TNK2: variants seen among roughly 807,000 people sequenced by gnomAD.
The protein encoded by TNK2 is tyrosine kinase non receptor 2, also known as activated CDC42 kinase 1.
TNK2 carries 83 observed loss-of-function variants against 101.8 expected under a neutral mutation model. The ratio of observed to expected loss-of-function variants is 0.82; its 90% confidence interval spans 0.68 to 0.98. The LOEUF (loss-of-function observed/expected upper bound fraction) is 0.98, where lower values mean the gene tolerates loss of function less well. Ranked by LOEUF, TNK2 falls within the 50% of genes least tolerant of loss-of-function variation. The pLI, the probability that TNK2 is intolerant of heterozygous loss-of-function variation, is 0.00. For missense variants in TNK2, 1,665 were observed against 1,483.2 expected (o/e 1.12, Z -2.01); for synonymous variants, 804 against 633.0 (o/e 1.27, Z -4.06).
intron 15 of TNK2, among the ~76,000 whole-genome samples, chr3:195,866,140 T>G (rs1268166174): frequency 2.0e-5 from 3 of 152,226 alleles, no homozygotes; most frequent in Non-Finnish European, 4.4e-5. Context: ...TTTAAATGTC[T>G]ATATATTTTG....
chr3:195,888,644 G>A lies in TNK2; in HGVS notation c.-18-38C>T, dbSNP rs1757140936. ...GAGTGGCTCAGGGACAAGGGTTGTGGGGGGACAACAGGGGCCTGCCCGAGT... is the reference window on the plus strand; with the variant it reads ...GAGTGGCTCAGGGACAAGGGTTGTGAGGGGACAACAGGGGCCTGCCCGAGT... On this transcript the variant is annotated intron_variant, in intron 1 of 15. Coordinates refer to ENST00000672887, the MANE Select transcript of TNK2 (RefSeq NM_001382273.1). This position sits in a 1 kb window ranked among gnomAD's most constrained non-coding sequence, Gnocchi z 5.3. 1 of 1,572,676 alleles carries A rather than the reference G, an allele frequency of 6.4e-7. No homozygotes were observed. The highest frequency in any genetic ancestry group is 1.3e-5 in the African/African-American group (1 of 74,098).
intron 10 of TNK2, 177 bp from the exon 11 acceptor site, chr3:195,870,382 G>A: frequency 6.8e-7 from 1 of 1,468,570 alleles, no homozygotes; most frequent in Non-Finnish European, 9.1e-7. Flanking sequence ...GGGTGTCCTG[G>A]AGAGAAGGCA....
intron 6 of TNK2, among the ~76,000 whole-genome samples, chr3:195,881,643 C>A (rs200795236): frequency 1.8e-4 from 19 of 108,470 alleles, no homozygotes; most frequent in Admixed American, 4.6e-4. Flanking sequence ...ACACCCCCCC[C>A]CCAGCAACGC....
At chr3:195,872,120 C>T (rs534525458) in intron 10 of TNK2, among the ~76,000 whole-genome samples, 156 bp downstream of exon 10, 51 of 152,208 alleles carry the variant, frequency 3.4e-4, no homozygotes, top group Non-Finnish European at 6.8e-4. Context: ...CACAGCTTCC[C>T]GAGAGTAAGG....
chr3:195,883,474 G>T, intron 4 of TNK2, 165 bp from the exon 5 acceptor site: 1 of 780,222 alleles, frequency 1.3e-6, no homozygotes, highest in Non-Finnish European at 2.0e-6. Context: ...TCTGCGTGAG[G>T]CCTGGCTGGA....
intron 1 of TNK2, among the ~76,000 whole-genome samples, chr3:195,897,810 A>T (rs1043619584): frequency 5.7e-4 from 15 of 26,176 alleles, no homozygotes; most frequent in Middle Eastern, 0.025. Context: ...CCACCCCCTC[A>T]CCCCCCCACC....
rs551370941 is a variant in TNK2 at position 195,885,787 on chromosome 3, C to A, written c.235-754G>T. 1.1e-5 allele frequency: 4 copies of A among 354,176 alleles called. No individual in the cohort carries two copies. The Admixed American group carries it at 1.5e-4, about 14-fold the overall frequency. The allele number at this position is 354,176 out of a possible 1,614,324, so 21.9% of individuals were successfully genotyped here. A position where few individuals can be genotyped will look rare whatever the true frequency, so the allele number is the denominator to read the frequency against. On this transcript the variant is annotated intron_variant, in intron 3 of 15. Transcript: ENST00000672887. The surrounding 1 kb of genome is among the most constrained non-coding windows in gnomAD (Gnocchi z 4.7). ...CCATGAGGGTCAAAGCTGGCCACGTCGGTCTGACTCGGCCTCCACTGAGGC... is the reference window on the plus strand; with the variant it reads ...CCATGAGGGTCAAAGCTGGCCACGTAGGTCTGACTCGGCCTCCACTGAGGC...
In TNK2 at chr3:195,883,426, G is replaced by A. The variant is rs1004658200; in HGVS notation, c.457-117C>T. 21 of 1,282,558 alleles carry A rather than the reference G, an allele frequency of 1.6e-5. No homozygotes were observed. The Admixed American group carries it at 2.2e-4, about 14-fold the overall frequency. 79.4% of individuals were successfully genotyped at this position (1,282,558 alleles called of 1,614,324 possible). A position where few individuals can be genotyped will look rare whatever the true frequency, so the allele number is the denominator to read the frequency against. On this transcript the variant is annotated intron_variant, in intron 4 of 15. Transcript: ENST00000672887. Reference sequence around the variant, plus strand: ...TCCCTGCCTGTGAGCTCCTCATCTGGGTGGGTAAGCATGTCACCAGTGCCT... The same window carrying A: ...TCCCTGCCTGTGAGCTCCTCATCTGAGTGGGTAAGCATGTCACCAGTGCCT...
intron 4 of TNK2, 137 bp from the exon 5 acceptor site, chr3:195,883,446 G>A (rs960094566): frequency 1.5e-5 from 16 of 1,039,850 alleles, no homozygotes; most frequent in African/African-American, 4.7e-5. Context: ...CATGTCACCA[G>A]TGCCTGGGCT....
At chr3:195,895,296 C>T in intron 1 of TNK2, 5 of 1,573,888 alleles carry the variant, frequency 3.2e-6, no homozygotes, top group Non-Finnish European at 4.3e-6. Context: ...GATCTCTCCC[C>T]CATGGAGCCC....
chr3:195,865,826 G>A (rs1194734863), intron 15 of TNK2, among the ~76,000 whole-genome samples: 1 of 152,172 alleles, frequency 6.6e-6, no homozygotes, highest in Admixed American at 6.5e-5. Flanking sequence ...GGCGCCAGGC[G>A]TGCTGGGCGC....
chr3:195,874,645 G>A (rs1157473240), intron 9 of TNK2, among the ~76,000 whole-genome samples: 1 of 27,168 alleles, frequency 3.7e-5, no homozygotes, highest in African/African-American at 2.7e-4. Context: ...TGGCGCCCAC[G>A]CACACTCCGA....
intron 1 of TNK2, among the ~76,000 whole-genome samples, chr3:195,902,464 A>G (rs1761300261): frequency 6.6e-6 from 1 of 151,948 alleles, no homozygotes; most frequent in South Asian, 2.1e-4. Context: ...CTAAAAATAC[A>G]AAAGTTAGCC....
intron 6 of TNK2, among the ~76,000 whole-genome samples, chr3:195,880,621 C>G (rs1338263611): frequency 1.4e-5 from 1 of 71,308 alleles, no homozygotes; most frequent in Non-Finnish European, 2.6e-5. Context: ...TGTAACACCC[C>G]CCCAGCAATG....
At chr3:195,890,955 A>G (rs1055233867) in intron 1 of TNK2, among the ~76,000 whole-genome samples, 4 of 152,070 alleles carry the variant, frequency 2.6e-5, no homozygotes, top group African/African-American at 9.7e-5. Context: ...TCCTCACTAC[A>G]TTGTCTAGGT....
At chr3:195,869,605 G>A (rs927952669) in intron 11 of TNK2, 64 bp from the exon 12 acceptor site, 5 of 1,488,318 alleles carry the variant, frequency 3.4e-6, no homozygotes, top group Non-Finnish European at 4.6e-6. Flanking sequence ...AAAGGAGGGA[G>A]ACGGCCGGAC....
chr3:195,890,880 CCT>C (rs1251472100), intron 1 of TNK2, among the ~76,000 whole-genome samples: 1 of 152,202 alleles, frequency 6.6e-6, no homozygotes, highest in African/African-American at 2.4e-5. Flanking sequence ...TCAAAACTCC[CCT>C]CTCGGTCAGC....
In TNK2 at chr3:195,865,111, C is replaced by T. The variant is rs113885720; in HGVS notation, c.3162-924G>A. On this transcript the variant is annotated intron_variant, in intron 15 of 15. Coordinates refer to ENST00000672887, the MANE Select transcript of TNK2 (RefSeq NM_001382273.1). The stretch of plus-strand genomic sequence containing the variant: ...CAGGTGCAAATCAGTAAGAACCACC[C>T]GAGACAGTGACAGACAGGTGACAGC... Among the ~76,000 whole-genome samples, 9 of 139,004 alleles carry T rather than the reference C, an allele frequency of 6.5e-5. No individual in the cohort carries two copies. The East Asian group carries it at 1.4e-3, about 21-fold the overall frequency. 91.2% of individuals were successfully genotyped at this position (139,004 alleles called of 152,430 possible). A position where few individuals can be genotyped will look rare whatever the true frequency, so the allele number is the denominator to read the frequency against.
intron 1 of TNK2, among the ~76,000 whole-genome samples, chr3:195,893,167 G>A (rs9846297): frequency 0.19 from 29,253 of 151,796 alleles, 3,199 homozygotes; most frequent in South Asian, 0.37. Context: ...TGGGCCCTGC[G>A]ATGACTCCTC....
Sources: gnomAD v4.1 joint callset for allele counts (sites outside exome capture counted in the v4.1 genomes callset) on GRCh38, gnomAD v4.1.1 for gene constraint, Gnocchi (gnomAD v3.1) non-coding constraint, MANE v1.5 for transcripts, NCBI Gene and HGNC (gene_info 2026-07-23, HGNC 2026-07-21) for gene names.